The following SMARCA2 variants were observed in gnomAD, a reference collection of about 807,000 sequenced individuals.
The protein encoded by SMARCA2 is SWI/SNF-related matrix-associated actin-dependent regulator of chromatin subfamily A member 2.
A neutral mutation model predicts 199.8 loss-of-function variants in SMARCA2; 61 were observed. The observed-to-expected ratio is 0.31, with a 90% CI of 0.25 to 0.38. The LOEUF (loss-of-function observed/expected upper bound fraction) is 0.38, where lower values mean the gene tolerates loss of function less well. SMARCA2 is among the 10% of genes least tolerant of loss of function. SMARCA2 has a pLI of 1.00. For missense variants in SMARCA2, 1,344 were observed against 2,012.2 expected (o/e 0.67, Z 6.35); for synonymous variants, 935 against 732.0 (o/e 1.28, Z -4.48).
intron 14 of SMARCA2, among the ~76,000 whole-genome samples, chr9:2,081,035 A>G (rs1384763682): frequency 5.6e-4 from 85 of 152,232 alleles, no homozygotes; most frequent in Admixed American, 6.5e-5. Context: ...TTCCCTAAGC[A>G]TAACATCATT....
chr9:2,061,180 A>G (rs1431160977), intron 9 of SMARCA2, among the ~76,000 whole-genome samples, 194 bp downstream of exon 9: 1 of 152,230 alleles, frequency 6.6e-6, no homozygotes, highest in Non-Finnish European at 1.5e-5. Flanking sequence ...AGGTAAGGGC[A>G]TAATAATGGG....
At chr9:2,190,609 CTT>C (rs1827807968) in intron 32 of SMARCA2, among the ~76,000 whole-genome samples, 1 of 150,174 alleles carries the variant, frequency 6.7e-6, no homozygotes, top group African/African-American at 2.5e-5. Context: ...TATAGAGAGA[CTT>C]TTATAGAATA....
rs1822958822 is a variant in SMARCA2, at chr9:2,110,801, T to C, written c.3456+384T>C. 6.6e-6 allele frequency among the ~76,000 whole-genome samples: 1 copy of C among 152,192 alleles called. No individual in the cohort carries two copies. ...TGTCAGCCTCTTGGGCATTTTTTCA[T>C]TCAGTTTTACGACAACCCTGTCAGA... is the stretch of plus-strand genomic sequence containing the variant. On this transcript the variant is annotated intron_variant, in intron 24 of 33. Transcript: ENST00000349721. The surrounding 1 kb of genome is among the most constrained non-coding windows in gnomAD (Gnocchi z 4.8).
chr9:2,160,502 G>T, intron 27 of SMARCA2: 2 of 601,624 alleles, frequency 3.3e-6, no homozygotes, highest in Non-Finnish European at 6.1e-6. Context: ...TTCTTTTTCA[G>T]GAAGCGTTGT....
At position 2,110,921 on chromosome 9, in the gene SMARCA2, C is replaced by T. The variant is rs1822964114; in HGVS notation, c.3456+504C>T. ...GGCCAAATAGTATTACAGTAGTTAACCTTTTATTTTGTGTTTTATTTAAAG... is the reference window on the plus strand; with the variant it reads ...GGCCAAATAGTATTACAGTAGTTAATCTTTTATTTTGTGTTTTATTTAAAG... On this transcript the variant is annotated intron_variant, in intron 24 of 33. Transcript: ENST00000349721. The surrounding 1 kb of genome is among the most constrained non-coding windows in gnomAD (Gnocchi z 4.8). Among the ~76,000 whole-genome samples the T allele has an allele frequency of 6.6e-6, 1 of 152,068 alleles. No homozygotes were observed.
At chr9:2,068,925 T>A (rs1177989265) in intron 9 of SMARCA2, 3 of 151,010 alleles carry the variant, frequency 2.0e-5, no homozygotes, top group African/African-American at 7.3e-5. Context: ...AACCTTTTGT[T>A]TTTTTTTTTG....
intron 27 of SMARCA2, among the ~76,000 whole-genome samples, chr9:2,134,010 G>A (rs1026098597): frequency 5.9e-5 from 9 of 152,166 alleles, no homozygotes; most frequent in African/African-American, 2.2e-4. Context: ...CTACTTGATA[G>A]GGTATTCTGA....
intron 21 of SMARCA2, among the ~76,000 whole-genome samples, chr9:2,098,440 C>T (rs1340435398): frequency 6.6e-6 from 1 of 152,156 alleles, no homozygotes; most frequent in African/African-American, 2.4e-5. Context: ...ACACCATATC[C>T]ACATGTCAGA....
At chr9:2,157,655 G>A in intron 27 of SMARCA2, 1 of 377,182 alleles carries the variant, frequency 2.7e-6, no homozygotes, top group Middle Eastern at 6.7e-4. Flanking sequence ...TCCACTGTAA[G>A]GACTGTGCCA....
intron 26 of SMARCA2, among the ~76,000 whole-genome samples, chr9:2,121,949 C>G (rs1823478921): frequency 6.6e-6 from 1 of 152,172 alleles, no homozygotes; most frequent in Non-Finnish European, 1.5e-5. Context: ...GGTTTATAAT[C>G]AGATCTCAAG....
At chr9:2,107,365 C>T (rs913729751) in intron 23 of SMARCA2, among the ~76,000 whole-genome samples, 1 of 152,156 alleles carries the variant, frequency 6.6e-6, no homozygotes. Context: ...CTCGCTCTGT[C>T]CCCCAGGCTG....
chr9:2,117,626 G>T (rs1401407208), intron 25 of SMARCA2, among the ~76,000 whole-genome samples: 1 of 152,228 alleles, frequency 6.6e-6, no homozygotes, highest in African/African-American at 2.4e-5. Context: ...TGTAGGCCTT[G>T]TGAAAATAGT....
In SMARCA2 at chr9:2,047,351, C is replaced by A; in HGVS notation, c.913C>A (p.Pro305Thr). The A allele has an allele frequency of 6.9e-7, 1 of 1,451,544 alleles. No individual in the cohort carries two copies. Among genetic ancestry groups the A allele is most frequent in the South Asian group, 1.3e-5 (1 of 77,406 alleles). 89.9% of individuals were successfully genotyped at this position (1,451,544 alleles called of 1,614,324 possible). A position where few individuals can be genotyped will look rare whatever the true frequency, so the allele number is the denominator to read the frequency against. ...GCCGCCCGCGGCCGCAGTGCCCGGG[C>A]CCTCAGTGCCGCAGCCGGCCCCGGG... ...AQPPAAAVPG[P>T]SVPQPAPGQP... The change falls in exon 5 of 34, where the codon CCC (proline) becomes ACC (threonine). Residue 305 changes from proline (P) to threonine (T), a missense_variant. Around this residue, in one of 18 missense-constraint regions of SMARCA2, gnomAD observed 117 missense variants for 99.1 expected, o/e 1.18. Coordinates refer to ENST00000349721, the MANE Select transcript of SMARCA2 (RefSeq NM_003070.5).
intron 9 of SMARCA2, among the ~76,000 whole-genome samples, chr9:2,064,794 G>A (rs77786389): frequency 0.012 from 1,840 of 152,236 alleles, 50 homozygotes; most frequent in African/African-American, 0.042. Flanking sequence ...AGGGTTCCTG[G>A]CGATTATGAG....
At chr9:2,184,861 TCG>T (rs1491271414) in intron 31 of SMARCA2, among the ~76,000 whole-genome samples, 1 of 151,412 alleles carries the variant, frequency 6.6e-6, no homozygotes, top group Admixed American at 6.6e-5. Context: ...TCTCTCTCTC[TCG>T]CGCGGGTCCT....
intron 5 of SMARCA2, among the ~76,000 whole-genome samples, chr9:2,052,131 T>C (rs1820146242): frequency 6.6e-6 from 1 of 152,232 alleles, no homozygotes; most frequent in Non-Finnish European, 1.5e-5. Context: ...TTCAGTCTTT[T>C]GAATGATTAA....
chr9:2,190,511 G>C (rs1389426039), intron 32 of SMARCA2, among the ~76,000 whole-genome samples: 1 of 152,200 alleles, frequency 6.6e-6, no homozygotes, highest in African/African-American at 2.4e-5. Flanking sequence ...GGAGAATATG[G>C]ACATGTATAA....
chr9:2,102,413 G>C (rs572657698), intron 22 of SMARCA2, among the ~76,000 whole-genome samples: 1 of 152,274 alleles, frequency 6.6e-6, no homozygotes, highest in South Asian at 2.1e-4. Context: ...AGTTCTCAGA[G>C]TGGAGGATGG....
chr9:2,074,168 G>T (rs1389003419), intron 12 of SMARCA2, among the ~76,000 whole-genome samples: 1 of 152,062 alleles, frequency 6.6e-6, no homozygotes, highest in Non-Finnish European at 1.5e-5. Flanking sequence ...AAAGAGAAGC[G>T]CTCAGTCTCT....
Sources: gnomAD v4.1 joint callset for allele counts (sites outside exome capture counted in the v4.1 genomes callset) on GRCh38, gnomAD v4.1.1 for gene constraint, gnomAD v4.1.1 regional missense constraint, Gnocchi (gnomAD v3.1) non-coding constraint, MANE v1.5 for transcripts, NCBI Gene and HGNC (gene_info 2026-07-23, HGNC 2026-07-21) for gene names.